ESRRG: variants seen among roughly 807,000 people sequenced by gnomAD.
ESRRG encodes estrogen related receptor gamma.
A neutral mutation model predicts 44.0 loss-of-function variants in ESRRG; 13 were observed. The ratio of observed to expected loss-of-function variants is 0.30; its 90% CI spans 0.19 to 0.47. The LOEUF (loss-of-function observed/expected upper bound fraction) is 0.47. ESRRG is among the 20% of genes least tolerant of loss of function. The probability of loss-of-function intolerance (pLI) is 1.00; values close to 1 mark genes in which losing one functional copy is unlikely to be tolerated. For synonymous variants in ESRRG, 215 were observed against 214.6 expected, an observed-to-expected ratio of 1.00 and a Z score of -0.02; for missense variants, 395 against 580.6, an observed-to-expected ratio of 0.68 and a Z score of 3.29.
chr1:216,579,567 C>A (rs1013051722), intron 3 of ESRRG, among the ~76,000 whole-genome samples: 1 of 152,032 alleles, frequency 6.6e-6, no homozygotes, highest in Non-Finnish European at 1.5e-5. Flanking sequence ...AATGATATAT[C>A]CAGACACCAA....
intron 6 of ESRRG, among the ~76,000 whole-genome samples, chr1:216,518,747 T>C (rs2045165401): frequency 6.6e-6 from 1 of 152,204 alleles, no homozygotes; most frequent in South Asian, 2.1e-4. Flanking sequence ...CTAAATATAT[T>C]TTCCCAATTG....
At chr1:216,808,041 T>A (rs1318840254) in intron 2 of ESRRG, among the ~76,000 whole-genome samples, 1 of 152,136 alleles carries the variant, frequency 6.6e-6, no homozygotes, top group Non-Finnish European at 1.5e-5. Flanking sequence ...AACCCTATAG[T>A]TGAGTGAAAT....
intron 2 of ESRRG, among the ~76,000 whole-genome samples, chr1:216,789,363 T>C (rs1297064792): frequency 6.6e-6 from 1 of 152,134 alleles, no homozygotes; most frequent in Non-Finnish European, 1.5e-5. Flanking sequence ...CGTTTATGAC[T>C]TGGTGAAGGC....
At chr1:217,058,533 G>A (rs2087644882) in intron 1 of ESRRG, among the ~76,000 whole-genome samples, 2 of 152,096 alleles carry the variant, frequency 1.3e-5, no homozygotes, top group African/African-American at 4.8e-5. Context: ...AGAGAGCAGA[G>A]TATCTGACGT....
At chr1:217,098,263 T>C (rs756828390) in intron 1 of ESRRG, among the ~76,000 whole-genome samples, 44 of 152,082 alleles carry the variant, frequency 2.9e-4, no homozygotes, top group Admixed American at 7.9e-4. Flanking sequence ...TCACAGTGAA[T>C]TGACTCTCTG....
intron 1 of ESRRG, among the ~76,000 whole-genome samples, chr1:216,987,896 C>T (rs2075120092): frequency 6.6e-6 from 1 of 152,136 alleles, no homozygotes; most frequent in African/African-American, 2.4e-5. Context: ...ACAAATATTC[C>T]ATCTTTTTCA....
In ESRRG at chr1:216,750,767, T is replaced by A. The variant is rs572705065; in HGVS notation, c.-13-73276A>T. On this transcript the variant is annotated intron_variant, in intron 2 of 7. Transcript: ENST00000359162. ...CTAAAGAGAGTTATTTACCTTTTTT[T>A]AAAAAAAAACTCAAAGCCATAACAA... Among the ~76,000 whole-genome samples, 854 of 150,882 alleles carry A rather than the reference T, an allele frequency of 5.7e-3. 5 individuals are homozygous for A. Among genetic ancestry groups the A allele is most frequent in the African/African-American group, 0.02 (806 of 41,222 alleles).
intron 3 of ESRRG, among the ~76,000 whole-genome samples, chr1:216,603,587 A>T (rs576969619): frequency 1.1e-4 from 16 of 152,348 alleles, no homozygotes; most frequent in Admixed American, 1.0e-3. Context: ...CACTGACCTC[A>T]GTAATTTTCA....
At chr1:216,834,665 A>G (rs143858169) in intron 2 of ESRRG, among the ~76,000 whole-genome samples, 1 of 152,206 alleles carries the variant, frequency 6.6e-6, no homozygotes, top group Non-Finnish European at 1.5e-5. Context: ...AAATTAAAAG[A>G]CAGGTCAAGA....
intron 1 of ESRRG, among the ~76,000 whole-genome samples, chr1:217,106,180 C>T (rs867692408): frequency 6.6e-6 from 1 of 152,128 alleles, no homozygotes; most frequent in Non-Finnish European, 1.5e-5. Context: ...TGATAGATTT[C>T]AAATAGTGTT....
chr1:216,901,627 T>C (rs1286918811), intron 2 of ESRRG, among the ~76,000 whole-genome samples: 1 of 152,224 alleles, frequency 6.6e-6, no homozygotes, highest in Non-Finnish European at 1.5e-5. Context: ...CACCTTGGCC[T>C]CCCAAAGTAT....
chr1:216,537,633 G>C (rs955004899), intron 5 of ESRRG, among the ~76,000 whole-genome samples: 10 of 152,032 alleles, frequency 6.6e-5, no homozygotes, highest in African/African-American at 2.4e-4. Context: ...AAGTGAGATG[G>C]GAAGTCACTG....
intron 3 of ESRRG, among the ~76,000 whole-genome samples, chr1:216,608,112 G>C (rs1048224635): frequency 1.3e-5 from 2 of 152,100 alleles, no homozygotes; most frequent in Non-Finnish European, 2.9e-5. Context: ...GTTCTGATTG[G>C]TATTTGCTAT....
chr1:216,670,558 C>A (rs2074963441), intron 2 of ESRRG, among the ~76,000 whole-genome samples: 1 of 152,184 alleles, frequency 6.6e-6, no homozygotes, highest in South Asian at 2.1e-4. Flanking sequence ...CCCCTGCGTA[C>A]ACCTTGATCC....
intron 1 of ESRRG, among the ~76,000 whole-genome samples, chr1:216,958,345 G>T (rs1421461327): frequency 6.6e-6 from 1 of 152,092 alleles, no homozygotes; most frequent in Non-Finnish European, 1.5e-5. Flanking sequence ...GATAAAAACT[G>T]CCTATTTTTC....
intron 2 of ESRRG, among the ~76,000 whole-genome samples, chr1:216,805,772 T>G (rs1250626436): frequency 6.6e-6 from 1 of 151,972 alleles, no homozygotes; most frequent in Non-Finnish European, 1.5e-5. Context: ...CCTTTAGGTG[T>G]TCGGTTTTGT....
chr1:216,531,256 A>G (rs150264034), intron 5 of ESRRG, among the ~76,000 whole-genome samples: 2 of 152,254 alleles, frequency 1.3e-5, no homozygotes, highest in Non-Finnish European at 2.9e-5. Flanking sequence ...CCTAGGCATA[A>G]TTTGTGTTCT....
At chr1:216,717,693 A>G (rs938784745) in intron 1 of ESRRG, among the ~76,000 whole-genome samples, 2 of 151,844 alleles carry the variant, frequency 1.3e-5, no homozygotes, top group Admixed American at 1.3e-4. Flanking sequence ...AAATTCACAG[A>G]CTTCTAAACT....
chr1:216,648,515 TTTAA>T (rs2068151275), intron 3 of ESRRG, among the ~76,000 whole-genome samples: 1 of 152,160 alleles, frequency 6.6e-6, no homozygotes, highest in Non-Finnish European at 1.5e-5. Flanking sequence ...ACCAACAATG[TTTAA>T]TTAAACACAG....
Sources: allele counts gnomAD v4.1 joint callset (sites outside exome capture counted in the v4.1 genomes callset), GRCh38; gene constraint gnomAD v4.1.1; transcripts MANE v1.5; gene names NCBI Gene and HGNC (gene_info 2026-07-23, HGNC 2026-07-21).